Variants in BEND2 observed in about 807,000 individuals in gnomAD.
BEND2 encodes BEN domain-containing protein 2.
A neutral mutation model predicts 43.8 loss-of-function variants in BEND2; 19 were observed. The observed-to-expected ratio is 0.43, with a 90% confidence interval of 0.30 to 0.64. The LOEUF (loss-of-function observed/expected upper bound fraction) is 0.64, where lower values mean the gene tolerates loss of function less well. Among genes scored for constraint, BEND2 ranks in the 30% least tolerant of loss-of-function variants. BEND2 has a pLI of 0.11. For synonymous variants in BEND2, 226 were observed against 210.1 expected (o/e 1.08, Z -0.66); for missense variants, 544 against 574.0 (o/e 0.95, Z 0.53).
chrX:18,210,322 C>T (rs1456890457), intron 4 of BEND2, among the ~76,000 whole-genome samples: 1 of 111,763 alleles, frequency 8.9e-6, no homozygotes, highest in Non-Finnish European at 1.9e-5. Flanking sequence ...TCTTCACAAT[C>T]AAGTATTCAT....
intron 2 of BEND2, among the ~76,000 whole-genome samples, chrX:18,214,598 C>T (rs1472451344): frequency 9.2e-6 from 1 of 109,174 alleles, no homozygotes; most frequent in East Asian, 2.9e-4. Context: ...CTGAGGCGGG[C>T]GGATCACTTG....
Position 18,164,925 on chromosome X carries a change from A to C in BEND2, c.*84T>G. On this transcript the variant is annotated 3_prime_UTR_variant, in exon 14 of 14. Transcript: ENST00000380033. Reference sequence around the variant, plus strand: ...ATGCAAACTACTCTGCCAGTACAGCAGGCTGATTTTGGAATTAGAACTTGA... The same window carrying C: ...ATGCAAACTACTCTGCCAGTACAGCCGGCTGATTTTGGAATTAGAACTTGA... The C allele has an allele frequency of 9.9e-7, 1 of 1,005,400 alleles. No homozygotes were observed. The highest frequency in any genetic ancestry group is 1.3e-6 in the Non-Finnish European group (1 of 741,904). The allele number at this position is 1,005,400 out of a possible 1,213,427, so 82.9% of individuals were successfully genotyped here. A position where few individuals can be genotyped will look rare whatever the true frequency, so the allele number is the denominator to read the frequency against.
chrX:18,188,208 T>C (rs952299192), intron 8 of BEND2, among the ~76,000 whole-genome samples: 4 of 110,578 alleles, frequency 3.6e-5, no homozygotes, highest in Non-Finnish European at 3.8e-5. Context: ...GAATTTAAAA[T>C]GAAGAAAACA....
chrX:18,195,110 T>C (rs1451358333), intron 7 of BEND2, among the ~76,000 whole-genome samples, 186 bp downstream of exon 7: 1 of 111,649 alleles, frequency 9.0e-6, no homozygotes, highest in Non-Finnish European at 1.9e-5. Flanking sequence ...ATATAATTAT[T>C]GGGGGAAATT....
chrX:18,185,572 TAATAACA>T lies in BEND2; in HGVS notation c.1289-4929_1289-4923del, dbSNP rs1460362600. On this transcript the variant is annotated intron_variant, in intron 8 of 13. Transcript: ENST00000380033. ...ATAATAATAATAATAATAATAATAA[TAATAACA>T]GACAACTTTCCAAACTTAGAGCAAG... is the stretch of plus-strand genomic sequence containing the variant. Among the ~76,000 whole-genome samples, 13 of 82,972 alleles carry T rather than the reference TAATAACA, an allele frequency of 1.6e-4. 1 individual carries two copies. The highest frequency in any genetic ancestry group is 2.0e-4 in the Non-Finnish European group (8 of 40,117). The allele number at this position is 82,972 out of a possible 115,157, so 72.1% of individuals were successfully genotyped here.
At chrX:18,173,239 G>A (rs1480389555) in intron 12 of BEND2, among the ~76,000 whole-genome samples, 3 of 110,967 alleles carry the variant, frequency 2.7e-5, no homozygotes, top group African/African-American at 9.9e-5. Context: ...CCTGACGCTC[G>A]CTCAGTTCTT....
Position 18,177,643 on chromosome X carries a change from A to C in BEND2, c.1556T>G (p.Leu519Arg). The change falls in exon 10 of 14, where the codon CTG becomes CGG. Residue 519 changes from leucine to arginine, a missense_variant. This residue lies in a region of BEND2 where 501 missense variants were observed against 501.6 expected (regional missense o/e 1.00). Coordinates refer to ENST00000380033, the MANE Select transcript of BEND2 (RefSeq NM_153346.5). ...ATGGATATCCACTGAGCTGCTAATC[A>C]GGATTTCCTTGGAGAACAAAATACG... ...LVRILFSKEI[L>R]ISSSVDIHLK... 1 of 1,211,686 alleles carries C rather than the reference A, an allele frequency of 8.3e-7. No homozygotes were observed. The highest frequency in any genetic ancestry group is 1.1e-6 in the Non-Finnish European group (1 of 895,338).
In BEND2 at chrX:18,201,884, G is replaced by T; in HGVS notation, c.964C>A (p.Pro322Thr). ...SKNSTETANYPTLMGNYNGQN... is the reference protein window; with the variant it reads ...SKNSTETANYTTLMGNYNGQN... ...CCATTGTAATTTCCCATTAAAGTTG[G>T]ATAATTCGCTGTCTCAGTGCTGTTT... Residue 322 changes from proline (P) to threonine (T), a missense_variant, in exon 6 of 14, where the codon CCA becomes ACA. This residue lies in a region of BEND2 where 501 missense variants were observed against 501.6 expected (regional missense o/e 1.00). Transcript: ENST00000380033. 1 of 1,209,927 alleles carries T rather than the reference G, an allele frequency of 8.3e-7. No homozygotes were observed. The highest frequency in any genetic ancestry group is 1.1e-6 in the Non-Finnish European group (1 of 894,728).
rs763766547 is a variant in BEND2, at chrX:18,167,288, AAAAG to A, written c.2186-2069_2186-2066del. ...AGTGAGACCCTGTCTCAAAGAAAAA[AAAAG>A]AAAGAAAGAAAAGAAAAGAAAAAAG... On this transcript the variant is annotated intron_variant, in intron 13 of 13. Transcript: ENST00000380033. Among the ~76,000 whole-genome samples the A allele has an allele frequency of 8.1e-5, 9 of 110,976 alleles. No homozygotes were observed. In the South Asian group the frequency reaches 2.4e-3, roughly 29 times the overall value.
intron 8 of BEND2, among the ~76,000 whole-genome samples, chrX:18,183,409 A>T (rs1924462051): frequency 8.9e-6 from 1 of 112,739 alleles, no homozygotes; most frequent in Non-Finnish European, 1.9e-5. Flanking sequence ...AGGAAATTTT[A>T]AAACACACAG....
chrX:18,171,019 T>C lies in BEND2; in HGVS notation c.2167A>G (p.Lys723Glu). Reference protein sequence around the residue: ...KHGLCALDPNKISALREFLQE... With the variant: ...KHGLCALDPNEISALREFLQE... ...AACAAACCTCGGAGAGCACTAATCT[T>C]ATTGGGGTCAAGGGCACACAGGCCA... is the stretch of plus-strand genomic sequence containing the variant. The change falls in exon 13 of 14, where the codon AAG becomes GAG. Residue 723 changes from lysine to glutamate, a missense_variant. Lys to Glu is a moderately conservative substitution (Grantham distance 56). Transcript: ENST00000380033. 2 of 1,209,739 alleles carry C rather than the reference T, an allele frequency of 1.7e-6. No homozygotes were observed. Among genetic ancestry groups the C allele is most frequent in the Non-Finnish European group, 2.2e-6 (2 of 893,314 alleles).
chrX:18,191,511 C>T (rs745334078), intron 7 of BEND2, among the ~76,000 whole-genome samples: 223 of 112,248 alleles, frequency 2.0e-3, no homozygotes, highest in Middle Eastern at 4.6e-3. Context: ...AGCAACAGCA[C>T]TCTTGGGCAG....
chrX:18,176,358 T>C (rs1365128094), intron 10 of BEND2, among the ~76,000 whole-genome samples: 28 of 81,194 alleles, frequency 3.4e-4, no homozygotes, highest in African/African-American at 1.3e-3. Context: ...AATATTGAGC[T>C]CTTGGTGCTC....
At position 18,170,031 on chromosome X, in the gene BEND2, CT is replaced by C. The variant is rs991316373; in HGVS notation, c.2185+969del. Among the ~76,000 whole-genome samples, 6 of 110,483 alleles carry C rather than the reference CT, an allele frequency of 5.4e-5. No individual in the cohort carries two copies. In the South Asian group the frequency reaches 1.5e-3, roughly 28 times the overall value. ...CATTCATTTCAGAATTGCCTACAAA[CT>C]TTTTTTTTAACCATAAAGTAAGGGA... On this transcript the variant is annotated intron_variant, in intron 13 of 13. Transcript: ENST00000380033.
intron 12 of BEND2, among the ~76,000 whole-genome samples, chrX:18,172,040 A>G (rs1405702553): frequency 1.8e-5 from 2 of 111,408 alleles, no homozygotes; most frequent in African/African-American, 6.5e-5. Context: ...CTTAATCATC[A>G]TCATCTCTCT....
chrX:18,217,173 A>G (rs1300177770), intron 1 of BEND2, among the ~76,000 whole-genome samples: 1 of 113,011 alleles, frequency 8.8e-6, no homozygotes, highest in Non-Finnish European at 1.9e-5. Flanking sequence ...GCAGAAATAA[A>G]GTGCAAAAGT....
intron 1 of BEND2, among the ~76,000 whole-genome samples, chrX:18,217,702 T>C (rs1372940634): frequency 1.8e-5 from 2 of 111,354 alleles, no homozygotes; most frequent in Non-Finnish European, 3.8e-5. Flanking sequence ...AACCACCTAA[T>C]TATCTAAACC....
chrX:18,174,311 T>C, intron 11 of BEND2, 53 bp from the exon 12 acceptor site: 1 of 1,095,531 alleles, frequency 9.1e-7, no homozygotes, highest in Non-Finnish European at 1.3e-6. Context: ...CAAGAAAATA[T>C]GTCTGTGCTC....
At chrX:18,193,059 G>A (rs752672121) in intron 7 of BEND2, among the ~76,000 whole-genome samples, 9 of 112,239 alleles carry the variant, frequency 8.0e-5, no homozygotes, top group Non-Finnish European at 1.7e-4. Flanking sequence ...GCTCATGCCT[G>A]TAATCCCAGC....
Sources: gnomAD v4.1 joint callset for allele counts (sites outside exome capture counted in the v4.1 genomes callset) on GRCh38, gnomAD v4.1.1 for gene constraint, gnomAD v4.1.1 regional missense constraint, MANE v1.5 for transcripts, NCBI Gene and HGNC (gene_info 2026-07-23, HGNC 2026-07-21) for gene names.